Variants in NAT10 observed in about 807,000 individuals in gnomAD.
NAT10 encodes RNA cytidine acetyltransferase.
Under a neutral mutation model 132.2 loss-of-function variants are expected in NAT10, and 109 were observed. That is an observed-to-expected ratio of 0.82 (90% CI 0.71 to 0.97). The LOEUF (loss-of-function observed/expected upper bound fraction) is 0.97, where lower values mean the gene tolerates loss of function less well. Among genes scored for constraint, NAT10 ranks in the 50% least tolerant of loss-of-function variants. NAT10 has a pLI of 0.00. For missense variants in NAT10, 1,184 were observed against 1,263.4 expected (o/e 0.94, Z 0.95); for synonymous variants, 479 against 478.0 (o/e 1.00, Z -0.03).
Position 34,134,285 on chromosome 11 carries a change from C to T in NAT10, c.1735-34C>T, listed in dbSNP as rs1330086854. 12 of 1,578,194 alleles carry T rather than the reference C, an allele frequency of 7.6e-6. No homozygotes were observed. In the Admixed American group the frequency reaches 1.7e-4, roughly 22 times the overall value. On this transcript the variant is annotated intron_variant, in intron 16 of 28. Coordinates refer to ENST00000257829, the MANE Select transcript of NAT10 (RefSeq NM_024662.3). Reference sequence around the variant, plus strand: ...TGAGTGGGCTCTGTATCAGAGTTGGCCTTTCTGCCTGCACTGTCCTGCTTC... The same window carrying T: ...TGAGTGGGCTCTGTATCAGAGTTGGTCTTTCTGCCTGCACTGTCCTGCTTC...
At chr11:34,146,055 C>T in intron 28 of NAT10, 29 bp from the exon 29 acceptor site, 1 of 1,466,006 alleles carries the variant, frequency 6.8e-7, no homozygotes, top group Non-Finnish European at 9.4e-7. Flanking sequence ...GTACATATTT[C>T]ATTCTTTCTA....
Position 34,105,666 on chromosome 11 carries a change from A to G in NAT10, c.-142A>G, listed in dbSNP as rs1428513411. Reference sequence around the variant, plus strand: ...GGACGCGTGCCGCGGAGCCAGGCTTACTACGTGACCCGGACACCAGGCATA... The same window carrying G: ...GGACGCGTGCCGCGGAGCCAGGCTTGCTACGTGACCCGGACACCAGGCATA... On this transcript the variant is annotated 5_prime_UTR_variant, in exon 1 of 29. Coordinates refer to ENST00000257829, the MANE Select transcript of NAT10 (RefSeq NM_024662.3). 1 of 152,342 alleles carries G rather than the reference A, an allele frequency of 6.6e-6. No individual in the cohort carries two copies. Among genetic ancestry groups the G allele is most frequent in the East Asian group, 1.9e-4 (1 of 5,188 alleles). 9.4% of individuals were successfully genotyped at this position (152,342 alleles called of 1,614,324 possible). A position where few individuals can be genotyped will look rare whatever the true frequency, so the allele number is the denominator to read the frequency against.
At chr11:34,116,875 A>T (rs1262095519) in intron 6 of NAT10, among the ~76,000 whole-genome samples, 1 of 151,886 alleles carries the variant, frequency 6.6e-6, no homozygotes, top group Non-Finnish European at 1.5e-5. Context: ...GATTGCATGT[A>T]TGAGCCACCG....
chr11:34,139,025 G>A, intron 21 of NAT10, 166 bp from the exon 22 acceptor site: 1 of 602,952 alleles, frequency 1.7e-6, no homozygotes. Flanking sequence ...TATGAGGAAG[G>A]TGAAGGCGAG....
At chr11:34,107,894 A>T (rs1396914083) in intron 1 of NAT10, among the ~76,000 whole-genome samples, 1 of 152,232 alleles carries the variant, frequency 6.6e-6, no homozygotes, top group Non-Finnish European at 1.5e-5. Context: ...AATGCTTTGG[A>T]TATTTGGATA....
chr11:34,135,155 C>T lies in NAT10; in HGVS notation c.1912-20C>T, dbSNP rs1311429216. Reference sequence around the variant, plus strand: ...GCAGCTCTCTTCCCTCGGCCTCTTCCCCTTCACGTTTGCTCCTAGATGGGC... The same window carrying T: ...GCAGCTCTCTTCCCTCGGCCTCTTCTCCTTCACGTTTGCTCCTAGATGGGC... On this transcript the variant is annotated intron_variant, in intron 18 of 28. Transcript: ENST00000257829. 7.5e-6 allele frequency: 12 copies of T among 1,599,490 alleles called. No homozygotes were observed. Among genetic ancestry groups the T allele is most frequent in the Non-Finnish European group, 1.0e-5 (12 of 1,166,922 alleles).
chr11:34,142,869 G>A (rs1048744886), intron 27 of NAT10, among the ~76,000 whole-genome samples: 2 of 152,208 alleles, frequency 1.3e-5, no homozygotes, highest in African/African-American at 4.8e-5. Flanking sequence ...GAGCCTCTGT[G>A]ACCTGTAGTC....
intron 16 of NAT10, among the ~76,000 whole-genome samples, chr11:34,133,863 A>T (rs1852152580): frequency 6.6e-6 from 1 of 152,026 alleles, no homozygotes; most frequent in African/African-American, 2.4e-5. Context: ...TTAAGAATGG[A>T]TGTGTCAGGC....
chr11:34,124,162 CA>C (rs550223031), intron 10 of NAT10, 139 bp from the exon 11 acceptor site: 27,512 of 464,440 alleles, frequency 0.059, 1 homozygote, highest in South Asian at 0.094. Flanking sequence ...AACTCCATCT[CA>C]AAAAAAAAAA....
chr11:34,106,350 G>GCCTT (rs994225223), intron 1 of NAT10, among the ~76,000 whole-genome samples: 2 of 152,018 alleles, frequency 1.3e-5, no homozygotes, highest in African/African-American at 4.8e-5. Flanking sequence ...CCCCATCCAG[G>GCCTT]CCTTCCATGA....
chr11:34,144,271 A>C (rs1852393980), intron 28 of NAT10, among the ~76,000 whole-genome samples: 1 of 152,314 alleles, frequency 6.6e-6, no homozygotes, highest in South Asian at 2.1e-4. Context: ...CTGTCTCTGC[A>C]AAAAAATTTT....
chr11:34,110,624 C>T (rs1455917869), intron 3 of NAT10, among the ~76,000 whole-genome samples: 2 of 64,148 alleles, frequency 3.1e-5, no homozygotes, highest in African/African-American at 6.3e-5. Context: ...GAGCCCTCTT[C>T]TATTTATCTT....
chr11:34,113,394 C>T (rs1427541942), intron 4 of NAT10, among the ~76,000 whole-genome samples: 3 of 152,096 alleles, frequency 2.0e-5, no homozygotes, highest in Non-Finnish European at 4.4e-5. Flanking sequence ...GTTTGGCCCT[C>T]TTCTGTGGTA....
chr11:34,132,007 T>A, intron 14 of NAT10, 118 bp from the exon 15 acceptor site: 2 of 770,654 alleles, frequency 2.6e-6, no homozygotes, highest in East Asian at 2.5e-5. Flanking sequence ...TTTTATGTGT[T>A]TCTGCTTAGG....
At chr11:34,128,152 G>A (rs1242242587) in intron 12 of NAT10, among the ~76,000 whole-genome samples, 2 of 151,862 alleles carry the variant, frequency 1.3e-5, no homozygotes, top group Admixed American at 6.6e-5. Context: ...TCAGGAGTTC[G>A]AGACCAGCCT....
chr11:34,139,008 G>T, intron 21 of NAT10, 183 bp from the exon 22 acceptor site: 1 of 588,000 alleles, frequency 1.7e-6, no homozygotes. Context: ...TGTGTGAACT[G>T]AGGTGATATG....
chr11:34,130,892 A>G lies in NAT10; in HGVS notation c.1324A>G (p.Thr442Ala), dbSNP rs183358693. 479 of 1,614,206 alleles carry G rather than the reference A, an allele frequency of 3.0e-4. No homozygotes were observed. Among genetic ancestry groups the G allele is most frequent in the Middle Eastern group, 4.9e-4 (3 of 6,062 alleles). The stretch of plus-strand genomic sequence containing the variant: ...ACAGAGCGCCCAGAGCCAGGTCAGC[A>G]CCACTGCTGAGAATAAGACCACGAC... ...RQQSAQSQVS[T>A]TAENKTTTTA... The change falls in exon 13 of 29, where the codon ACC becomes GCC. Residue 442 changes from threonine (T) to alanine (A), a missense_variant. By Grantham distance (58) the Thr-to-Ala change is moderately conservative (BLOSUM62 0). Coordinates refer to ENST00000257829, the MANE Select transcript of NAT10 (RefSeq NM_024662.3).
intron 2 of NAT10, 135 bp from the exon 3 acceptor site, chr11:34,108,607 C>G (rs770967377): frequency 2.4e-6 from 2 of 828,660 alleles, no homozygotes; most frequent in Non-Finnish European, 3.8e-6. Flanking sequence ...CTGGTCATTG[C>G]TCGCCTTAGA....
intron 6 of NAT10, among the ~76,000 whole-genome samples, chr11:34,117,848 C>T (rs1472038647): frequency 1.3e-5 from 2 of 151,940 alleles, no homozygotes; most frequent in African/African-American, 4.8e-5. Context: ...TTAAGGATGG[C>T]CTGAAACACC....
Sources: gnomAD v4.1 joint callset for allele counts (sites outside exome capture counted in the v4.1 genomes callset) on GRCh38, gnomAD v4.1.1 for gene constraint, MANE v1.5 for transcripts, NCBI Gene and HGNC (gene_info 2026-07-23, HGNC 2026-07-21) for gene names.